The following PLAAT3 variants were observed in gnomAD, a reference collection of about 807,000 sequenced individuals.
PLAAT3 encodes the protein Ca-independent phospholipase A1/2.
PLAAT3 carries 21 observed loss-of-function variants against 16.7 expected under a neutral mutation model. That is an observed-to-expected ratio of 1.26 (90% CI 0.89 to 1.81). The LOEUF (loss-of-function observed/expected upper bound fraction) is 1.81. Ranked by LOEUF, PLAAT3 falls within the 40% of genes most tolerant of loss-of-function variation. PLAAT3 has a pLI of 0.00. For synonymous variants in PLAAT3, 76 were observed against 81.7 expected (o/e 0.93, Z 0.38); for missense variants, 219 against 213.7 (o/e 1.02, Z -0.16).
At chr11:63,577,026 G>A (rs2017671800) in intron 4 of PLAAT3, among the ~76,000 whole-genome samples, 1 of 152,216 alleles carries the variant, frequency 6.6e-6, no homozygotes, top group East Asian at 1.9e-4. Context: ...TTTAGATGTT[G>A]TAATTTAAAA....
chr11:63,611,322 T>G (rs1386190934), intron 2 of PLAAT3, among the ~76,000 whole-genome samples: 1 of 152,204 alleles, frequency 6.6e-6, no homozygotes, highest in Non-Finnish European at 1.5e-5. Context: ...GGTCTGCCTT[T>G]TATTACTACC....
intron 4 of PLAAT3, among the ~76,000 whole-genome samples, chr11:63,588,889 A>C (rs1590687529): frequency 7.0e-6 from 1 of 143,782 alleles, no homozygotes; most frequent in East Asian, 2.3e-4. Flanking sequence ...AGTAAGAGTG[A>C]TTCCTATAGG....
At chr11:63,596,574 C>T (rs1322483402) in intron 3 of PLAAT3, among the ~76,000 whole-genome samples, 1 of 151,668 alleles carries the variant, frequency 6.6e-6, no homozygotes, top group African/African-American at 2.4e-5. Context: ...TTTCCTGCAA[C>T]TAGATGGTCC....
intron 4 of PLAAT3, among the ~76,000 whole-genome samples, chr11:63,581,424 T>C (rs1052793652): frequency 6.6e-6 from 1 of 152,076 alleles, no homozygotes; most frequent in African/African-American, 2.4e-5. Context: ...TCTGATGCAG[T>C]TGAGATAAGG....
intron 3 of PLAAT3, among the ~76,000 whole-genome samples, chr11:63,592,866 C>T (rs747696504): frequency 3.3e-5 from 5 of 152,234 alleles, no homozygotes; most frequent in Non-Finnish European, 5.9e-5. Flanking sequence ...CTAATTTCTA[C>T]AGTTTTCTCA....
chr11:63,581,847 A>G (rs546675723), intron 4 of PLAAT3, among the ~76,000 whole-genome samples: 1 of 152,292 alleles, frequency 6.6e-6, no homozygotes, highest in African/African-American at 2.4e-5. Flanking sequence ...CTTACGGAAA[A>G]TAGAAAAGAA....
rs781333435 is a variant in PLAAT3 at position 63,574,921 on chromosome 11, C to T, written c.*24G>A. ...AGACCCCCTTGATGTATAAAGTCAT[C>T]GCTGACAGGACAGTCTTTTTCAGTT... is the stretch of plus-strand genomic sequence containing the variant. On this transcript the variant is annotated 3_prime_UTR_variant, in exon 5 of 5. Transcript: ENST00000415826. 15 of 1,415,614 alleles carry T rather than the reference C, an allele frequency of 1.1e-5. No homozygotes were observed. The East Asian group carries it at 1.8e-4, about 17-fold the overall frequency. The allele number at this position is 1,415,614 out of a possible 1,614,324, so 87.7% of individuals were successfully genotyped here.
chr11:63,603,703 TACACAC>T (rs67821162), intron 2 of PLAAT3, among the ~76,000 whole-genome samples: 20,088 of 116,564 alleles, frequency 0.17, 1,589 homozygotes, highest in East Asian at 0.33. Flanking sequence ...TAAATTATCC[TACACAC>T]ACACACACAC....
At chr11:63,588,999 G>T (rs1190557091) in intron 4 of PLAAT3, among the ~76,000 whole-genome samples, 7 of 121,492 alleles carry the variant, frequency 5.8e-5, no homozygotes, top group African/African-American at 2.2e-4. Context: ...AAAAAAAAAA[G>T]AGGAGGATAA....
chr11:63,589,957 TTGTCCC>T, intron 4 of PLAAT3, 137 bp downstream of exon 4: 2 of 162,096 alleles, frequency 1.2e-5, no homozygotes, highest in East Asian at 1.8e-4. Flanking sequence ...GTCCCCACCC[TTGTCCC>T]AACTGTGACA....
chr11:63,589,977 T>C, intron 4 of PLAAT3, 123 bp downstream of exon 4: 1 of 714,236 alleles, frequency 1.4e-6, no homozygotes, highest in Non-Finnish European at 2.2e-6. Flanking sequence ...TGTGACATCC[T>C]CAAGGGCAGT....
chr11:63,611,936 C>T (rs988736271), intron 2 of PLAAT3, among the ~76,000 whole-genome samples: 1 of 151,960 alleles, frequency 6.6e-6, no homozygotes, highest in Non-Finnish European at 1.5e-5. Flanking sequence ...GTCAGGGGTT[C>T]GAGACCAACC....
chr11:63,597,718 G>T (rs192557096), intron 3 of PLAAT3, among the ~76,000 whole-genome samples: 1 of 152,096 alleles, frequency 6.6e-6, no homozygotes, highest in East Asian at 1.9e-4. Context: ...GAGCTCAGGC[G>T]GTAATACAAG....
At chr11:63,594,373 G>C (rs1490606192) in intron 3 of PLAAT3, among the ~76,000 whole-genome samples, 1 of 152,150 alleles carries the variant, frequency 6.6e-6, no homozygotes, top group Non-Finnish European at 1.5e-5. Context: ...AATGAGAGAG[G>C]AGGAGGAGCC....
intron 3 of PLAAT3, among the ~76,000 whole-genome samples, chr11:63,597,084 G>A (rs1279943267): frequency 4.0e-5 from 6 of 149,080 alleles, no homozygotes; most frequent in Non-Finnish European, 7.4e-5. Context: ...CAAGAAAAGC[G>A]AAACTCCATC....
intron 4 of PLAAT3, among the ~76,000 whole-genome samples, chr11:63,582,612 C>T (rs1257304494): frequency 1.3e-5 from 2 of 151,304 alleles, no homozygotes; most frequent in South Asian, 2.1e-4. Context: ...CAATTCACCA[C>T]GACACTCAGC....
At chr11:63,616,766 G>C (rs1416447517), upstream of PLAAT3, 1 of 151,978 alleles carries the variant, frequency 6.6e-6, no homozygotes, top group Non-Finnish European at 1.5e-5. Context: ...GGTGGATCAC[G>C]AGGTCAGGAG....
chr11:63,595,018 C>T (rs936397829), intron 3 of PLAAT3, among the ~76,000 whole-genome samples: 2 of 152,052 alleles, frequency 1.3e-5, no homozygotes, highest in Admixed American at 6.6e-5. Flanking sequence ...GGGCCGTGCG[C>T]GGTGGCTCAC....
chr11:63,603,662 C>A (rs1301542722), intron 2 of PLAAT3, among the ~76,000 whole-genome samples: 2 of 146,108 alleles, frequency 1.4e-5, no homozygotes, highest in African/African-American at 5.1e-5. Flanking sequence ...GAAAAAAAAA[C>A]CCTAACAACC....
Sources: gnomAD v4.1 joint callset for allele counts (sites outside exome capture counted in the v4.1 genomes callset) on GRCh38, gnomAD v4.1.1 for gene constraint, MANE v1.5 for transcripts, NCBI Gene and HGNC (gene_info 2026-07-23, HGNC 2026-07-21) for gene names.